The following SYT16 variants were observed in gnomAD, a reference collection of about 807,000 sequenced individuals.
SYT16 encodes synaptotagmin-16.
Under a neutral mutation model 61.4 loss-of-function variants are expected in SYT16, and 42 were observed. The ratio of observed to expected loss-of-function variants is 0.68; its 90% CI spans 0.53 to 0.89. The LOEUF is 0.89. SYT16 is among the 40% of genes least tolerant of loss of function. SYT16 has a pLI of 0.00. For missense variants in SYT16, 804 were observed against 807.3 expected, an observed-to-expected ratio of 1.00 and a Z score of 0.05; for synonymous variants, 314 against 302.3, an observed-to-expected ratio of 1.04 and a Z score of -0.40.
Position 62,015,465 on chromosome 14 carries a change from T to C in SYT16, c.523+18923T>C, listed in dbSNP as rs879608094. On this transcript the variant is annotated intron_variant, in intron 3 of 7. Coordinates refer to ENST00000683842, the MANE Select transcript of SYT16 (RefSeq NM_001367656.1). ...TTTTTGACAGTCTGTGTTTGCCTTA[T>C]GAAGACATTTGCCTTGACCTTCTCC... Among the ~76,000 whole-genome samples, 64 of 152,364 alleles carry C rather than the reference T, an allele frequency of 4.2e-4. 1 individual carries two copies. The highest frequency in any genetic ancestry group is 6.6e-4 in the Non-Finnish European group (45 of 68,040).
chr14:61,967,985 G>T (rs1174317684), intron 1 of SYT16, among the ~76,000 whole-genome samples: 2 of 152,106 alleles, frequency 1.3e-5, no homozygotes, highest in Non-Finnish European at 2.9e-5. Flanking sequence ...ATGAGGCTGG[G>T]TGCGGTGGCT....
rs1326456866 is a variant in SYT16, at chr14:62,110,956, TAATC to T, written c.*10251_*10254del. 2 of 152,092 alleles carry T rather than the reference TAATC, an allele frequency of 1.3e-5. No individual in the cohort carries two copies. The highest frequency in any genetic ancestry group is 2.4e-5 in the African/African-American group (1 of 41,450). 9.4% of individuals were successfully genotyped at this position (152,092 alleles called of 1,614,324 possible). Reference sequence around the variant, plus strand: ...TCCCAAGTGACTTTCCTCACTCATGTAATCATTTTCTTCATAAATGCCCTTTTAC... The same window carrying T: ...TCCCAAGTGACTTTCCTCACTCATGTATTTTCTTCATAAATGCCCTTTTAC... On this transcript the variant is annotated 3_prime_UTR_variant, in exon 8 of 8. Transcript: ENST00000683842.
rs1186002221 is a variant in SYT16, at chr14:62,107,781, TG to T, written c.*7079del. ...AAAATAAATGGATATGTTTTGTATCTGGGGGAGGAAATGCATCATTCCATTC... is the reference window on the plus strand; with the variant it reads ...AAAATAAATGGATATGTTTTGTATCTGGGGAGGAAATGCATCATTCCATTC... On this transcript the variant is annotated 3_prime_UTR_variant, in exon 8 of 8. Transcript: ENST00000683842. The T allele has an allele frequency of 6.6e-6, 1 of 152,188 alleles. No homozygotes were observed. The highest frequency in any genetic ancestry group is 1.5e-5 in the Non-Finnish European group (1 of 68,018). 9.4% of individuals were successfully genotyped at this position (152,188 alleles called of 1,614,324 possible).
intron 1 of SYT16, among the ~76,000 whole-genome samples, chr14:61,966,661 TA>T (rs1426164876): frequency 6.6e-6 from 1 of 152,210 alleles, no homozygotes; most frequent in Admixed American, 6.5e-5. Flanking sequence ...ATGCTGCTTT[TA>T]TGATGGAAAA....
At chr14:61,859,287 C>T (rs8014566) in intron 1 of SYT16, among the ~76,000 whole-genome samples, 4,728 of 152,190 alleles carry the variant, frequency 0.031, 201 homozygotes, top group African/African-American at 0.088. Context: ...CTCCATCTTC[C>T]TTTAGGTGCC....
At chr14:61,903,854 T>C (rs76270484) in intron 1 of SYT16, among the ~76,000 whole-genome samples, 243 of 152,362 alleles carry the variant, frequency 1.6e-3, no homozygotes, top group African/African-American at 5.6e-3. Context: ...GAGCTTGGTA[T>C]AAAGGTAACC....
At chr14:61,960,160 C>T (rs559449699) in intron 1 of SYT16, among the ~76,000 whole-genome samples, 1 of 152,072 alleles carries the variant, frequency 6.6e-6, no homozygotes, top group Admixed American at 6.6e-5. Flanking sequence ...TGGTTTTTTG[C>T]TTAGGATTGC....
intron 3 of SYT16, among the ~76,000 whole-genome samples, chr14:62,009,648 T>C (rs905514979): frequency 2.6e-5 from 4 of 152,086 alleles, no homozygotes; most frequent in Non-Finnish European, 5.9e-5. Flanking sequence ...TAAAAAGACA[T>C]TGAAAGATGG....
intron 2 of SYT16, among the ~76,000 whole-genome samples, chr14:61,979,805 C>T (rs1311787571): frequency 6.6e-6 from 1 of 152,142 alleles, no homozygotes; most frequent in East Asian, 1.9e-4. Context: ...TCACTTGAAC[C>T]CGGGAGGGAG....
At chr14:62,011,924 C>CATATATATATATATATATAT (rs71449575) in intron 3 of SYT16, among the ~76,000 whole-genome samples, 28 of 87,036 alleles carry the variant, frequency 3.2e-4, no homozygotes, top group African/African-American at 8.4e-4. Flanking sequence ...CACACACACA[C>CATATATATATATATATATAT]ACATATATAT....
At chr14:61,959,088 A>G (rs2051006110) in intron 1 of SYT16, among the ~76,000 whole-genome samples, 1 of 151,872 alleles carries the variant, frequency 6.6e-6, no homozygotes, top group African/African-American at 2.4e-5. Flanking sequence ...TTTGGTTACT[A>G]TTTGCATGGA....
chr14:61,947,291 T>TGTGTGC (rs2050481563), intron 1 of SYT16, among the ~76,000 whole-genome samples: 1 of 151,382 alleles, frequency 6.6e-6, no homozygotes, highest in African/African-American at 2.4e-5. Context: ...TGTGTGTGTG[T>TGTGTGC]GTGTGTGTGT....
intron 1 of SYT16, among the ~76,000 whole-genome samples, chr14:61,911,967 T>C: frequency 6.6e-6 from 1 of 152,192 alleles, no homozygotes; most frequent in East Asian, 1.9e-4. Context: ...TACCTAATGA[T>C]TATAGAGGCA....
chr14:61,994,809 TTTATTGAATAAG>T (rs1206988207), intron 2 of SYT16, among the ~76,000 whole-genome samples: 1 of 152,214 alleles, frequency 6.6e-6, no homozygotes, highest in African/African-American at 2.4e-5. Flanking sequence ...TCAATATTTG[TTTATTGAATAAG>T]TCAATGCATC....
intron 1 of SYT16, among the ~76,000 whole-genome samples, chr14:61,890,350 G>C (rs961512467): frequency 2.0e-5 from 3 of 152,132 alleles, no homozygotes; most frequent in African/African-American, 4.8e-5. Flanking sequence ...TTCCCTTCAA[G>C]TTGCCCATCT....
chr14:61,894,291 TAAAA>T (rs777805364), intron 1 of SYT16, among the ~76,000 whole-genome samples: 1 of 129,486 alleles, frequency 7.7e-6, no homozygotes, highest in South Asian at 2.4e-4. Flanking sequence ...GTCTCGAAAT[TAAAA>T]AAAAAAAAAA....
intron 1 of SYT16, among the ~76,000 whole-genome samples, chr14:61,890,144 C>T (rs1412915526): frequency 6.6e-6 from 1 of 152,144 alleles, no homozygotes; most frequent in East Asian, 1.9e-4. Flanking sequence ...CTTTTAGTTT[C>T]AGATGTTCAA....
At chr14:62,083,456 G>A (rs890490732) in intron 6 of SYT16, among the ~76,000 whole-genome samples, 2 of 152,108 alleles carry the variant, frequency 1.3e-5, no homozygotes, top group Non-Finnish European at 2.9e-5. Context: ...CGATGTGCCC[G>A]TGCCTGGTGG....
intron 3 of SYT16, among the ~76,000 whole-genome samples, chr14:62,063,989 A>C (rs2055944012): frequency 6.6e-6 from 1 of 152,324 alleles, no homozygotes; most frequent in Admixed American, 6.5e-5. Flanking sequence ...TGAAATGAAC[A>C]GTCTTTCAGC....
Sources: allele counts gnomAD v4.1 joint callset (sites outside exome capture counted in the v4.1 genomes callset), GRCh38; gene constraint gnomAD v4.1.1; transcripts MANE v1.5; gene names NCBI Gene and HGNC (gene_info 2026-07-23, HGNC 2026-07-21).